The following UBE2G1 variants were observed in gnomAD, a reference collection of about 807,000 sequenced individuals.
The protein encoded by UBE2G1 is ubiquitin-conjugating enzyme E2 G1.
UBE2G1 carries 5 observed loss-of-function variants against 22.7 expected under a neutral mutation model. The ratio of observed to expected loss-of-function variants is 0.22; its 90% CI spans 0.12 to 0.46. UBE2G1 has a LOEUF of 0.46. Among genes scored for constraint, UBE2G1 ranks in the 20% least tolerant of loss-of-function variants. The probability of loss-of-function intolerance (pLI) is 0.99; values close to 1 mark genes in which losing one functional copy is unlikely to be tolerated. For synonymous variants in UBE2G1, 74 were observed against 67.5 expected, an observed-to-expected ratio of 1.10 and a Z score of -0.47; for missense variants, 88 against 203.9, an observed-to-expected ratio of 0.43 and a Z score of 3.46.
rs1358775141 is a variant in UBE2G1, at chr17:4,292,212, G to T, written c.248-2804C>A. On this transcript the variant is annotated intron_variant, in intron 3 of 5. Coordinates refer to ENST00000396981, the MANE Select transcript of UBE2G1 (RefSeq NM_003342.5). ...TTGGTGGCACGCACCTGTAATCCCA[G>T]CTACTCGGGAGGCTGAGGCAGGTGA... Among the ~76,000 whole-genome samples the T allele has an allele frequency of 2.0e-5, 3 of 151,118 alleles. No homozygotes were observed. The East Asian group carries it at 5.9e-4, about 30-fold the overall frequency.
intron 2 of UBE2G1, among the ~76,000 whole-genome samples, chr17:4,304,785 C>G (rs1429359013): frequency 2.6e-5 from 4 of 152,088 alleles, no homozygotes. Flanking sequence ...ACCCCTCCCC[C>G]CAGCACAAGC....
intron 1 of UBE2G1, among the ~76,000 whole-genome samples, chr17:4,342,739 G>C (rs1969725724): frequency 6.6e-6 from 1 of 152,162 alleles, no homozygotes; most frequent in Non-Finnish European, 1.5e-5. Context: ...TCTCAGCATA[G>C]CAAGCCAAGA....
rs781543127 is a variant in UBE2G1, at chr17:4,272,444, C to A, written c.*110G>T. ...CCCAGTTCCAGCCAGTGTTTGCCAA[C>A]TTGTACAACAGAAGTCCAGCAATAG... is the stretch of plus-strand genomic sequence containing the variant. On this transcript the variant is annotated 3_prime_UTR_variant, in exon 6 of 6. Transcript: ENST00000396981. The A allele has an allele frequency of 3.2e-5, 6 of 186,672 alleles. No homozygotes were observed. The highest frequency in any genetic ancestry group is 1.4e-4 in the African/African-American group (6 of 41,582). The allele number at this position is 186,672 out of a possible 1,614,324, so 11.6% of individuals were successfully genotyped here.
At chr17:4,334,212 C>T (rs1969617643) in intron 1 of UBE2G1, among the ~76,000 whole-genome samples, 2 of 151,770 alleles carry the variant, frequency 1.3e-5, no homozygotes, top group African/African-American at 4.8e-5. Context: ...CAGGCATAAG[C>T]CACCATGCAA....
intron 1 of UBE2G1, among the ~76,000 whole-genome samples, chr17:4,356,358 A>G (rs1171375137): frequency 6.6e-6 from 1 of 151,664 alleles, no homozygotes; most frequent in Non-Finnish European, 1.5e-5. Flanking sequence ...AACTGTCTCA[A>G]AAAAAAAATT....
At chr17:4,332,567 A>G (rs1969591065) in intron 1 of UBE2G1, among the ~76,000 whole-genome samples, 1 of 152,182 alleles carries the variant, frequency 6.6e-6, no homozygotes, top group Admixed American at 6.6e-5. Flanking sequence ...AGGGTCCTTC[A>G]GAATTAACCA....
intron 1 of UBE2G1, among the ~76,000 whole-genome samples, chr17:4,310,398 T>A (rs1969296371): frequency 6.6e-6 from 1 of 152,072 alleles, no homozygotes; most frequent in African/African-American, 2.4e-5. Flanking sequence ...TCATGAAGAA[T>A]AAGAAAAGGC....
intron 3 of UBE2G1, among the ~76,000 whole-genome samples, chr17:4,294,978 G>A (rs982049595): frequency 1.3e-5 from 2 of 151,834 alleles, no homozygotes; most frequent in African/African-American, 4.8e-5. Context: ...GGGAAAAGGA[G>A]GGGCAGAGTG....
chr17:4,337,197 C>T (rs776901185), intron 1 of UBE2G1, among the ~76,000 whole-genome samples: 3 of 151,798 alleles, frequency 2.0e-5, no homozygotes, highest in South Asian at 2.1e-4. Flanking sequence ...AAAAGTTAGC[C>T]GGGCATCCTG....
Position 4,286,086 on chromosome 17 carries a change from T to C in UBE2G1, c.426+3144A>G, listed in dbSNP as rs576596133. 2.6e-5 allele frequency among the ~76,000 whole-genome samples: 4 copies of C among 150,948 alleles called. No homozygotes were observed. The South Asian group carries it at 8.4e-4, about 32-fold the overall frequency. On this transcript the variant is annotated intron_variant, in intron 4 of 5. Transcript: ENST00000396981. The stretch of plus-strand genomic sequence containing the variant: ...AATACTATGAAAATATGATCAAAGG[T>C]GTAATATGAGAGAAGAAAAAGCAAG...
chr17:4,302,243 C>A, intron 2 of UBE2G1: 1 of 471,630 alleles, frequency 2.1e-6, no homozygotes, highest in Non-Finnish European at 4.3e-6. Context: ...TCGTTATCAG[C>A]TCCCACACCC....
intron 4 of UBE2G1, among the ~76,000 whole-genome samples, chr17:4,285,673 C>T (rs1242708542): frequency 1.3e-5 from 2 of 152,124 alleles, no homozygotes; most frequent in African/African-American, 2.4e-5. Flanking sequence ...CCAAAGCGGC[C>T]GGGCGAGGTG....
At chr17:4,301,080 T>C (rs188052386) in intron 2 of UBE2G1, among the ~76,000 whole-genome samples, 315 of 152,288 alleles carry the variant, frequency 2.1e-3, no homozygotes, top group African/African-American at 7.1e-3. Flanking sequence ...AAGGATCAAA[T>C]CCTACCATAC....
intron 1 of UBE2G1, among the ~76,000 whole-genome samples, chr17:4,349,606 G>A (rs1969819658): frequency 6.6e-6 from 1 of 152,142 alleles, no homozygotes; most frequent in Non-Finnish European, 1.5e-5. Flanking sequence ...CAGCTTGGGA[G>A]GCCGAGGTGG....
chr17:4,316,039 G>A (rs1007271668), intron 1 of UBE2G1, among the ~76,000 whole-genome samples: 7 of 151,894 alleles, frequency 4.6e-5, no homozygotes, highest in Admixed American at 1.3e-4. Context: ...TCCTGATCTC[G>A]TGATCCGCCC....
At position 4,269,314 on chromosome 17, in the gene UBE2G1, G is replaced by A. The variant is rs1968722209; in HGVS notation, c.*3240C>T. ...ATAGAGCACTCATCACATGAATGAG[G>A]TGCTTTACAATACAGTAAACATCAC... is the stretch of plus-strand genomic sequence containing the variant. On this transcript the variant is annotated 3_prime_UTR_variant, in exon 6 of 6. Transcript: ENST00000396981. 6.6e-6 allele frequency: 1 copy of A among 152,462 alleles called. No individual in the cohort carries two copies. The allele number at this position is 152,462 out of a possible 1,614,324, so 9.4% of individuals were successfully genotyped here.
rs750674553 is a variant in UBE2G1 at position 4,366,225 on chromosome 17, TCCGCGATCGCGGCCGGGCCCGGCGCC to T, written c.46+20_46+45del. 6.6e-7 allele frequency: 1 copy of T among 1,505,908 alleles called. No individual in the cohort carries two copies. Among genetic ancestry groups the T allele is most frequent in the East Asian group, 2.8e-5 (1 of 36,216 alleles). 93.3% of individuals were successfully genotyped at this position (1,505,908 alleles called of 1,614,324 possible). On this transcript the variant is annotated intron_variant, in intron 1 of 5. Transcript: ENST00000396981. The stretch of plus-strand genomic sequence containing the variant: ...GAGAAGAGGGACTGGGCTGCGGCTG[TCCGCGATCGCGGCCGGGCCCGGCGCC>T]CCGCCGCCCGCCTGCTCACCTGCCA...
At chr17:4,331,965 G>T (rs975245070) in intron 1 of UBE2G1, 2 of 152,154 alleles carry the variant, frequency 1.3e-5, no homozygotes, top group African/African-American at 4.8e-5. Context: ...ATATTATTTA[G>T]AAGCATGGAG....
At chr17:4,283,871 C>T (rs1268914856) in intron 4 of UBE2G1, among the ~76,000 whole-genome samples, 1 of 152,138 alleles carries the variant, frequency 6.6e-6, no homozygotes, top group African/African-American at 2.4e-5. Flanking sequence ...GGGGCTGAGG[C>T]CATGCACAGT....
Sources: gnomAD v4.1 joint callset for allele counts (sites outside exome capture counted in the v4.1 genomes callset) on GRCh38, gnomAD v4.1.1 for gene constraint, MANE v1.5 for transcripts, NCBI Gene and HGNC (gene_info 2026-07-23, HGNC 2026-07-21) for gene names.